CALN1: variants seen among roughly 807,000 people sequenced by gnomAD.
The protein encoded by CALN1 is calcium-binding protein 8.
CALN1 carries 17 observed loss-of-function variants against 30.6 expected under a neutral mutation model. The observed-to-expected ratio is 0.56, with a 90% CI of 0.38 to 0.83. CALN1 has a LOEUF of 0.83. CALN1 is among the 40% of genes least tolerant of loss of function. CALN1 has a pLI of 0.00. For synonymous variants in CALN1, 156 were observed against 131.4 expected (o/e 1.19, Z -1.28); for missense variants, 291 against 354.9 (o/e 0.82, Z 1.45).
chr7:71,969,068 A>G (rs947098587), intron 5 of CALN1, among the ~76,000 whole-genome samples: 1 of 151,946 alleles, frequency 6.6e-6, no homozygotes, highest in African/African-American at 2.4e-5. Context: ...AAAAAATCAT[A>G]GAACTGCACA....
chr7:72,222,212 C>T (rs1351305346), intron 3 of CALN1, among the ~76,000 whole-genome samples: 1 of 148,644 alleles, frequency 6.7e-6, no homozygotes, highest in Non-Finnish European at 1.5e-5. Context: ...GGTAACAGAG[C>T]GAGACTCCGT....
At chr7:71,790,400 G>GA (rs1167025848) in intron 6 of CALN1, among the ~76,000 whole-genome samples, 30 of 108,418 alleles carry the variant, frequency 2.8e-4, no homozygotes, top group East Asian at 1.7e-3. Flanking sequence ...AAGAAAGAAA[G>GA]AAAGAAAGAA....
chr7:71,835,066 T>C (rs199664071), intron 5 of CALN1, among the ~76,000 whole-genome samples: 2 of 152,148 alleles, frequency 1.3e-5, no homozygotes, highest in East Asian at 3.9e-4. Flanking sequence ...AACTCCTGGC[T>C]TCAAGGAAGG....
intron 4 of CALN1, among the ~76,000 whole-genome samples, chr7:72,024,690 T>G (rs1457649381): frequency 6.6e-6 from 1 of 152,032 alleles, no homozygotes; most frequent in African/African-American, 2.4e-5. Context: ...TGAGCCACCA[T>G]GCCCGGCCTG....
intron 5 of CALN1, among the ~76,000 whole-genome samples, chr7:71,842,752 A>G (rs1790008229): frequency 6.6e-6 from 1 of 152,070 alleles, no homozygotes; most frequent in Non-Finnish European, 1.5e-5. Context: ...GAACCCCATA[A>G]CTATTAGTAC....
intron 6 of CALN1, among the ~76,000 whole-genome samples, chr7:71,795,571 T>A (rs1193210240): frequency 6.6e-6 from 1 of 152,226 alleles, no homozygotes; most frequent in African/African-American, 2.4e-5. Flanking sequence ...CACCACTACC[T>A]AATTCCAGAG....
intron 4 of CALN1, among the ~76,000 whole-genome samples, chr7:72,081,417 G>C (rs28397576): frequency 2.1e-5 from 3 of 146,190 alleles, no homozygotes; most frequent in East Asian, 2.1e-4. Flanking sequence ...GTGTGTGTGT[G>C]TGTGTGTTTG....
At chr7:71,911,821 T>C (rs1794437958) in intron 5 of CALN1, among the ~76,000 whole-genome samples, 3 of 152,200 alleles carry the variant, frequency 2.0e-5, no homozygotes, top group Non-Finnish European at 4.4e-5. Flanking sequence ...TCTCTCATTC[T>C]TACATTGATA....
intron 1 of CALN1, among the ~76,000 whole-genome samples, chr7:72,405,263 A>G (rs1018278490): frequency 6.6e-6 from 1 of 152,248 alleles, no homozygotes; most frequent in African/African-American, 2.4e-5. Flanking sequence ...CCCATGCAAC[A>G]GTACTTGGCC....
At chr7:72,106,453 A>G (rs1807118732) in intron 3 of CALN1, among the ~76,000 whole-genome samples, 159 bp from the exon 4 acceptor site, 2 of 151,852 alleles carry the variant, frequency 1.3e-5, no homozygotes, top group Non-Finnish European at 2.9e-5. Flanking sequence ...GAAGAACAGA[A>G]GAAAAGAAAC....
chr7:72,293,141 C>T (rs961345803), intron 2 of CALN1, among the ~76,000 whole-genome samples: 2 of 152,094 alleles, frequency 1.3e-5, no homozygotes, highest in Admixed American at 6.6e-5. Flanking sequence ...GGCAGTTCAA[C>T]AAGAGGATTT....
intron 5 of CALN1, among the ~76,000 whole-genome samples, chr7:71,869,790 A>G (rs1273883403): frequency 6.6e-6 from 1 of 152,138 alleles, no homozygotes; most frequent in African/African-American, 2.4e-5. Context: ...GAAGGAGACA[A>G]TGGAATCGTG....
chr7:72,353,861 C>A (rs991144506), intron 2 of CALN1, among the ~76,000 whole-genome samples: 20 of 152,086 alleles, frequency 1.3e-4, no homozygotes, highest in Admixed American at 7.2e-4. Flanking sequence ...TCAATGCCAA[C>A]AATAAACAAC....
the CALN1 span, among the ~76,000 whole-genome samples, chr7:72,454,007 T>C: frequency 6.6e-6 from 1 of 151,706 alleles, no homozygotes; most frequent in Non-Finnish European, 1.5e-5. Flanking sequence ...TATATATATA[T>C]ATATATTCAT....
intron 4 of CALN1, among the ~76,000 whole-genome samples, chr7:72,051,387 A>T (rs975887896): frequency 2.0e-5 from 3 of 152,160 alleles, no homozygotes; most frequent in Admixed American, 6.5e-5. Context: ...TGACTTTATT[A>T]AAAAAGATTA....
chr7:72,096,919 T>A (rs911905779), intron 4 of CALN1, among the ~76,000 whole-genome samples: 5 of 152,158 alleles, frequency 3.3e-5, no homozygotes, highest in Non-Finnish European at 5.9e-5. Context: ...CAAATGTCCA[T>A]CAATGATAGA....
chr7:71,794,284 C>T (rs1347285609), intron 6 of CALN1, among the ~76,000 whole-genome samples: 5 of 152,172 alleles, frequency 3.3e-5, no homozygotes, highest in Admixed American at 3.3e-4. Context: ...AGAAAATGCA[C>T]TTCAAACACC....
intron 5 of CALN1, among the ~76,000 whole-genome samples, chr7:71,898,326 T>C (rs112665678): frequency 1.5e-4 from 23 of 151,980 alleles, no homozygotes; most frequent in Middle Eastern, 3.4e-3. Context: ...TGAGACTCCA[T>C]CTAAAAAAAG....
chr7:72,377,398 T>C (rs934599164), intron 2 of CALN1, among the ~76,000 whole-genome samples: 2 of 152,018 alleles, frequency 1.3e-5, no homozygotes, highest in African/African-American at 4.8e-5. Context: ...TTTCTGTTGA[T>C]TGCTTTTTTA....
Sources: gnomAD v4.1 joint callset for allele counts (sites outside exome capture counted in the v4.1 genomes callset) on GRCh38, gnomAD v4.1.1 for gene constraint, MANE v1.5 for transcripts, NCBI Gene and HGNC (gene_info 2026-07-23, HGNC 2026-07-21) for gene names.